HYDIN: variants seen among roughly 807,000 people sequenced by gnomAD.
HYDIN encodes HYDIN axonemal central pair apparatus protein.
HYDIN carries 132 observed loss-of-function variants against 403.9 expected under a neutral mutation model. The ratio of observed to expected loss-of-function variants is 0.33; its 90% CI spans 0.28 to 0.38. HYDIN has a LOEUF of 0.38. Ranked by LOEUF, HYDIN falls within the 10% of genes least tolerant of loss-of-function variation. The probability of loss-of-function intolerance (pLI) is 1.00; values close to 1 mark genes in which losing one functional copy is unlikely to be tolerated. For synonymous variants in HYDIN, 1,202 were observed against 1,891.7 expected (o/e 0.64, Z 9.46); for missense variants, 2,827 against 5,009.5 (o/e 0.56, Z 13.15).
intron 18 of HYDIN, among the ~76,000 whole-genome samples, chr16:71,054,330 A>G (rs2081787544): frequency 7.9e-6 from 1 of 126,492 alleles, no homozygotes; most frequent in African/African-American, 2.5e-5. Context: ...AGATGTAACA[A>G]TTTAGAGGGC....
chr16:70,850,469 A>C lies in HYDIN; in HGVS notation c.12630T>G (p.Thr4210=). Residue 4210 remains threonine (T), a synonymous_variant, in exon 74 of 86, where the codon ACT becomes ACG. Transcript: ENST00000393567. ...GSITLLTPNQ[T]NIINFYEVEL... The stretch of plus-strand genomic sequence containing the variant: ...TTACCTCATAGAAGTTGATGATGTT[A>C]GTCTGGTTGGGAGTCAACAGAGTGA... The C allele has an allele frequency of 6.4e-7, 1 of 1,560,614 alleles. No homozygotes were observed.
At chr16:70,865,148 G>A in intron 67 of HYDIN, 1 of 301,800 alleles carries the variant, frequency 3.3e-6, no homozygotes, top group Non-Finnish European at 6.6e-6. Flanking sequence ...TGCACATGTT[G>A]CTCTCTCTGC....
At chr16:71,211,784 C>G (rs1161250426) in intron 1 of HYDIN, among the ~76,000 whole-genome samples, 1 of 151,822 alleles carries the variant, frequency 6.6e-6, no homozygotes, top group Non-Finnish European at 1.5e-5. Flanking sequence ...AAGTAAGACA[C>G]CATGAGCAAA....
chr16:71,098,157 G>A (rs1259757162), intron 10 of HYDIN, among the ~76,000 whole-genome samples: 1 of 151,782 alleles, frequency 6.6e-6, no homozygotes, highest in African/African-American at 2.4e-5. Flanking sequence ...CTAAAGATCA[G>A]GTGTTAGTTG....
chr16:70,848,269 T>C (rs1454386541), intron 75 of HYDIN, among the ~76,000 whole-genome samples: 1 of 150,464 alleles, frequency 6.6e-6, no homozygotes, highest in Non-Finnish European at 1.5e-5. Context: ...CTATAGTTCT[T>C]TGAACATATT....
chr16:71,139,381 G>A (rs2085078541), intron 7 of HYDIN, among the ~76,000 whole-genome samples: 1 of 152,078 alleles, frequency 6.6e-6, no homozygotes, highest in Non-Finnish European at 1.5e-5. Flanking sequence ...AAAACTCCAT[G>A]TGTTGGAACC....
intron 23 of HYDIN, among the ~76,000 whole-genome samples, chr16:71,005,706 T>C (rs1196636482): frequency 6.6e-6 from 1 of 151,498 alleles, no homozygotes; most frequent in East Asian, 1.9e-4. Context: ...TAGCTACAGA[T>C]GTGAGGGTTC....
Position 71,042,458 on chromosome 16 carries a change from G to GTC in HYDIN, c.2530-10543_2530-10542dup, listed in dbSNP as rs368647573. Among the ~76,000 whole-genome samples, 1,108 of 150,190 alleles carry GTC rather than the reference G, an allele frequency of 7.4e-3. 8 individuals are homozygous for GTC. The highest frequency in any genetic ancestry group is 0.025 in the African/African-American group (1,019 of 41,046). ...AGCTTTTTTCTTGCCCACTCTCCAT[G>GTC]TCTCTCTCTCTCTCTCTCTTTCACT... On this transcript the variant is annotated intron_variant, in intron 18 of 85. Transcript: ENST00000393567.
intron 10 of HYDIN, among the ~76,000 whole-genome samples, chr16:71,096,242 ACAAT>A (rs2083274871): frequency 1.3e-5 from 2 of 151,584 alleles, no homozygotes; most frequent in South Asian, 4.2e-4. Context: ...CTCAATTGAA[ACAAT>A]CTATCTTGTC....
chr16:71,229,141 C>T (rs1332377713), intron 1 of HYDIN, among the ~76,000 whole-genome samples: 2 of 128,940 alleles, frequency 1.6e-5, no homozygotes, highest in Non-Finnish European at 3.1e-5. Context: ...GAACATCACA[C>T]ACCGGGGCCT....
intron 6 of HYDIN, among the ~76,000 whole-genome samples, chr16:71,158,453 A>AT (rs975222269): frequency 6.6e-6 from 1 of 151,578 alleles, no homozygotes; most frequent in African/African-American, 2.4e-5. Context: ...CTGTGAAGTG[A>AT]TTTTTGCTTC....
chr16:71,043,260 T>C (rs1029901650), intron 18 of HYDIN, among the ~76,000 whole-genome samples: 1 of 149,350 alleles, frequency 6.7e-6, no homozygotes, highest in African/African-American at 2.5e-5. Flanking sequence ...TTAGTTATGG[T>C]GTGCCTCGAC....
chr16:71,176,131 T>TGA (rs1402951928), intron 4 of HYDIN, among the ~76,000 whole-genome samples: 16,263 of 151,532 alleles, frequency 0.11, 3,002 homozygotes, highest in African/African-American at 0.37. Flanking sequence ...CAGTGAAACC[T>TGA]CATCTCTACT....
intron 1 of HYDIN, among the ~76,000 whole-genome samples, chr16:71,218,013 A>C (rs1041581306): frequency 6.6e-6 from 1 of 152,234 alleles, no homozygotes; most frequent in Non-Finnish European, 1.5e-5. Flanking sequence ...AACGCAAAGT[A>C]AATTCTGTAT....
intron 18 of HYDIN, among the ~76,000 whole-genome samples, chr16:71,037,255 G>T (rs981879511): frequency 1.7e-4 from 24 of 144,306 alleles, no homozygotes; most frequent in Admixed American, 1.1e-3. Flanking sequence ...CCTCAAGAAC[G>T]AAAGCTATCG....
chr16:71,077,914 T>G, intron 13 of HYDIN, among the ~76,000 whole-genome samples: 1 of 151,970 alleles, frequency 6.6e-6, no homozygotes, highest in East Asian at 1.9e-4. Context: ...TATGAATGAG[T>G]GTTGGATTCT....
rs573253113 is a variant in HYDIN at position 71,027,620 on chromosome 16, G to T, written c.3024C>A (p.Gly1008=). The part of the protein sequence containing the change: ...PGQAIDVILE[G]YSATPRIVKE... The stretch of plus-strand genomic sequence containing the variant: ...CCCTTACCCTGGGAGTAGCAGAATA[G>T]CCTTCGAGTATCACATCAATTGCCT... Residue 1008 remains glycine (G), a synonymous_variant, in exon 20 of 86, where the codon GGC becomes GGA. Coordinates refer to ENST00000393567, the MANE Select transcript of HYDIN (RefSeq NM_001270974.2). The T allele has an allele frequency of 6.2e-7, 1 of 1,613,890 alleles. No individual in the cohort carries two copies. Among genetic ancestry groups the T allele is most frequent in the East Asian group, 2.2e-5 (1 of 44,832 alleles).
At chr16:71,054,424 A>C (rs1265535819) in intron 18 of HYDIN, among the ~76,000 whole-genome samples, 1 of 152,192 alleles carries the variant, frequency 6.6e-6, no homozygotes, top group Non-Finnish European at 1.5e-5. Flanking sequence ...TAGCTTAATG[A>C]TGTCATCTGT....
chr16:71,203,782 G>A (rs1160253548), intron 1 of HYDIN: 3 of 456,028 alleles, frequency 6.6e-6, no homozygotes, highest in African/African-American at 2.0e-5. Flanking sequence ...CAGAATGTGT[G>A]AGTCCAGAAC....
Sources: allele counts gnomAD v4.1 joint callset (sites outside exome capture counted in the v4.1 genomes callset), GRCh38; gene constraint gnomAD v4.1.1; transcripts MANE v1.5; gene names NCBI Gene and HGNC (gene_info 2026-07-23, HGNC 2026-07-21).